Variants in RNF8 observed in about 807,000 individuals in gnomAD.
The protein encoded by RNF8 is ring finger protein 8.
RNF8 carries 8 observed loss-of-function variants against 59.3 expected under a neutral mutation model. The ratio of observed to expected loss-of-function variants is 0.13; its 90% CI spans 0.08 to 0.24. The LOEUF (loss-of-function observed/expected upper bound fraction) is 0.24, where lower values mean the gene tolerates loss of function less well. Among genes scored for constraint, RNF8 ranks in the 10% least tolerant of loss-of-function variants. The probability of loss-of-function intolerance (pLI) is 1.00; values close to 1 mark genes in which losing one functional copy is unlikely to be tolerated. For missense variants in RNF8, 406 were observed against 572.6 expected (o/e 0.71, Z 2.97); for synonymous variants, 162 against 200.0 (o/e 0.81, Z 1.60).
chr6:37,374,248 A>T (rs1769924507), intron 4 of RNF8, among the ~76,000 whole-genome samples: 1 of 152,216 alleles, frequency 6.6e-6, no homozygotes, highest in Non-Finnish European at 1.5e-5. Context: ...CTGTTCCCAG[A>T]ATCACTTGGG....
chr6:37,371,000 G>A (rs1345930698), intron 3 of RNF8, among the ~76,000 whole-genome samples: 1 of 152,112 alleles, frequency 6.6e-6, no homozygotes, highest in Non-Finnish European at 1.5e-5. Flanking sequence ...ACATTGGAGG[G>A]GGCTGATGAG....
At chr6:37,368,372 A>T in intron 2 of RNF8, 112 bp from the exon 3 acceptor site, 1 of 1,608,434 alleles carries the variant, frequency 6.2e-7, no homozygotes, top group East Asian at 2.2e-5. Context: ...TCTATTTGTT[A>T]TCAAGAGTTT....
rs139499511 is a variant in RNF8 at position 37,368,507 on chromosome 6, C to T, written c.264C>T (p.Asn88=). The change falls in exon 3 of 8, where the codon AAC becomes AAT. Residue 88 remains asparagine, a synonymous_variant. Coordinates refer to ENST00000373479, the MANE Select transcript of RNF8 (RefSeq NM_003958.4). Reference sequence around the variant, plus strand: ...AGAGTCTAAATGGTGTTTGGCTGAACAGAGCGCGTCTGGAACCTTTAAGGG... The same window carrying T: ...AGAGTCTAAATGGTGTTTGGCTGAATAGAGCGCGTCTGGAACCTTTAAGGG... ...DNKSLNGVWL[N]RARLEPLRVY... The T allele has an allele frequency of 1.2e-6, 2 of 1,614,034 alleles. No homozygotes were observed. The highest frequency in any genetic ancestry group is 1.7e-6 in the Non-Finnish European group (2 of 1,180,022).
intron 7 of RNF8, among the ~76,000 whole-genome samples, chr6:37,389,658 G>A: frequency 6.6e-6 from 1 of 151,884 alleles, no homozygotes; most frequent in East Asian, 1.9e-4. Context: ...GTCTTTAAGA[G>A]GAGAAGTGTG....
At chr6:37,374,533 C>A in intron 4 of RNF8, 87 bp from the exon 5 acceptor site, 1 of 944,042 alleles carries the variant, frequency 1.1e-6, no homozygotes, top group Non-Finnish European at 1.7e-6. Flanking sequence ...AAGTCACTAA[C>A]TAGAGGGAGA....
rs138834286 is a variant in RNF8 at position 37,359,662 on chromosome 6, G to A, written c.112-784G>A. ...TTAGGATAGCATTTCTTGGAGGAGG[G>A]GGAGACCAAGAAATTTAATCATTCC... On this transcript the variant is annotated intron_variant, in intron 1 of 7. Coordinates refer to ENST00000373479, the MANE Select transcript of RNF8 (RefSeq NM_003958.4). Among the ~76,000 whole-genome samples, 119 of 152,160 alleles carry A rather than the reference G, an allele frequency of 7.8e-4. 2 individuals are homozygous for A. Among genetic ancestry groups the A allele is most frequent in the African/African-American group, 2.7e-3 (111 of 41,508 alleles).
intron 1 of RNF8, among the ~76,000 whole-genome samples, chr6:37,354,960 G>A (rs1769059064): frequency 6.6e-6 from 1 of 152,250 alleles, no homozygotes; most frequent in South Asian, 2.1e-4. Context: ...GGGCGGCTTG[G>A]GCTGGGCCAC....
chr6:37,374,838 CTAT>C (rs1388508888), intron 5 of RNF8, 129 bp downstream of exon 5: 16 of 648,588 alleles, frequency 2.5e-5, no homozygotes, highest in Middle Eastern at 3.5e-4. Context: ...GGGAGATAAT[CTAT>C]AAAATTATAG....
intron 2 of RNF8, among the ~76,000 whole-genome samples, chr6:37,364,237 A>T (rs1769458399): frequency 6.7e-6 from 1 of 148,166 alleles, no homozygotes. Flanking sequence ...AATACATATT[A>T]TATGATGCCA....
chr6:37,386,438 G>A (rs749206424), intron 7 of RNF8, among the ~76,000 whole-genome samples: 16 of 152,238 alleles, frequency 1.1e-4, no homozygotes, highest in African/African-American at 2.9e-4. Context: ...GCAGGCACCC[G>A]GAAAAGTTTT....
At chr6:37,387,870 C>G (rs548129166) in intron 7 of RNF8, among the ~76,000 whole-genome samples, 54 of 152,202 alleles carry the variant, frequency 3.5e-4, no homozygotes, top group Admixed American at 1.8e-3. Context: ...GGACAAGAAG[C>G]AAAAGCAAGG....
At chr6:37,364,178 CAAA>C (rs35915593) in intron 2 of RNF8, among the ~76,000 whole-genome samples, 11 of 82,268 alleles carry the variant, frequency 1.3e-4, no homozygotes, top group African/African-American at 3.0e-4. Context: ...GACTCTGTCT[CAAA>C]AAAAAAAAAA....
chr6:37,385,473 A>G (rs2113834218), intron 7 of RNF8, among the ~76,000 whole-genome samples: 1 of 151,684 alleles, frequency 6.6e-6, no homozygotes, highest in East Asian at 2.0e-4. Context: ...CTAAAAATAC[A>G]AAAATTAGCC....
At chr6:37,383,415 G>C (rs1770358139) in intron 7 of RNF8, among the ~76,000 whole-genome samples, 1 of 152,208 alleles carries the variant, frequency 6.6e-6, no homozygotes, top group African/African-American at 2.4e-5. Flanking sequence ...TTTTTAAAAA[G>C]GACCAAATTT....
chr6:37,377,089 T>G (rs940606583), intron 6 of RNF8, 56 bp downstream of exon 6: 4 of 830,782 alleles, frequency 4.8e-6, no homozygotes, highest in Non-Finnish European at 5.5e-6. Flanking sequence ...TTTTTTTTTT[T>G]GAGACAGAGT....
chr6:37,378,570 C>T (rs1298775878), intron 6 of RNF8, among the ~76,000 whole-genome samples: 1 of 133,192 alleles, frequency 7.5e-6, no homozygotes, highest in African/African-American at 3.0e-5. Context: ...CACTGCACTC[C>T]AGCATGGGTG....
chr6:37,354,012 G>A lies in RNF8; in HGVS notation c.-153G>A, dbSNP rs930366658. 3 of 701,300 alleles carry A rather than the reference G, an allele frequency of 4.3e-6. No individual in the cohort carries two copies. The highest frequency in any genetic ancestry group is 3.6e-5 in the African/African-American group (2 of 55,578). The allele number at this position is 701,300 out of a possible 1,614,324, so 43.4% of individuals were successfully genotyped here. ...TGCTCCTGCTTCCTGGCCGAGGGCG[G>A]GCGAGCGGAGCCTGCTTTCGCAGCG... On this transcript the variant is annotated 5_prime_UTR_variant, in exon 1 of 8. Coordinates refer to ENST00000373479, the MANE Select transcript of RNF8 (RefSeq NM_003958.4).
At chr6:37,380,603 G>A (rs976644260) in intron 6 of RNF8, among the ~76,000 whole-genome samples, 5 of 150,902 alleles carry the variant, frequency 3.3e-5, no homozygotes, top group African/African-American at 4.9e-5. Flanking sequence ...CCCAGGAGGC[G>A]GAGTCTGCAG....
At chr6:37,371,330 A>G (rs937179733) in intron 3 of RNF8, among the ~76,000 whole-genome samples, 182 bp from the exon 4 acceptor site, 4 of 152,166 alleles carry the variant, frequency 2.6e-5, no homozygotes, top group Non-Finnish European at 4.4e-5. Flanking sequence ...ATTTGAGCAG[A>G]TAACTGCTCA....
Sources: allele counts gnomAD v4.1 joint callset (sites outside exome capture counted in the v4.1 genomes callset), GRCh38; gene constraint gnomAD v4.1.1; transcripts MANE v1.5; gene names NCBI Gene and HGNC (gene_info 2026-07-23, HGNC 2026-07-21).